Variants in RECQL observed in about 807,000 individuals in gnomAD.
The protein encoded by RECQL is ATP-dependent DNA helicase Q1.
In RECQL, 73 loss-of-function variants were observed where a neutral mutation model predicts 75.8. The ratio of observed to expected loss-of-function variants is 0.96; its 90% confidence interval spans 0.80 to 1.17. The LOEUF is 1.17. Ranked by LOEUF, RECQL falls within the 50% of genes most tolerant of loss-of-function variation. The pLI is 0.00. For missense variants in RECQL, 699 were observed against 772.1 expected, an observed-to-expected ratio of 0.91 and a Z score of 1.12; for synonymous variants, 248 against 254.4, an observed-to-expected ratio of 0.97 and a Z score of 0.24.
At position 21,473,177 on chromosome 12, in the gene RECQL, C is replaced by A. The variant is rs553369123; in HGVS notation, c.1447+374G>T. Among the ~76,000 whole-genome samples the A allele has an allele frequency of 5.9e-5, 9 of 152,130 alleles. No homozygotes were observed. The East Asian group carries it at 1.7e-3, about 29-fold the overall frequency. On this transcript the variant is annotated intron_variant, in intron 12 of 14. Coordinates refer to ENST00000444129, the MANE Select transcript of RECQL (RefSeq NM_002907.4). The stretch of plus-strand genomic sequence containing the variant: ...CATAATATTTTGGTCGGTGATGGAC[C>A]ACGTATATGCCAGTGGTCCCAAGAG...
intron 11 of RECQL, 135 bp from the exon 12 acceptor site, chr12:21,473,777 T>C: frequency 1.5e-6 from 1 of 662,992 alleles, no homozygotes; most frequent in Non-Finnish European, 2.5e-6. Flanking sequence ...TTAGTGGCTT[T>C]AAACACATTT....
chr12:21,471,514 C>T lies in RECQL; in HGVS notation c.1581G>A (p.Leu527=), dbSNP rs774747023. ...DSWMGKGAAK[L]RVAGVVAPTL... ...TGGGAGCCACAACACCTGCTACTCTCAGTTTTGCTGCACCCTTTCCCATCC... is the reference window on the plus strand; with the variant it reads ...TGGGAGCCACAACACCTGCTACTCTTAGTTTTGCTGCACCCTTTCCCATCC... The change falls in exon 13 of 15, where the codon CTG becomes CTA. Residue 527 remains leucine (L), a synonymous_variant. Transcript: ENST00000444129. 3 of 1,612,854 alleles carry T rather than the reference C, an allele frequency of 1.9e-6. No homozygotes were observed. The highest frequency in any genetic ancestry group is 2.5e-6 in the Non-Finnish European group (3 of 1,179,358).
At chr12:21,493,900 T>G (rs762406534) in intron 2 of RECQL, among the ~76,000 whole-genome samples, 1 of 152,242 alleles carries the variant, frequency 6.6e-6, no homozygotes, top group Non-Finnish European at 1.5e-5. Flanking sequence ...CCAAAAGAGC[T>G]GCATGTGCCA....
rs749841294 is a variant in RECQL, at chr12:21,471,461, ATCT to A, written c.1631_1633del (p.Lys544del). On this transcript the variant is annotated inframe_deletion, in exon 13 of 15. Transcript: ENST00000444129. ...CTGCTGTATTAGAAAGTGTGCAATA[ATCT>A]TCTCCAGATCTTCACGAGGAAGTGT... The A allele has an allele frequency of 5.6e-6, 9 of 1,613,060 alleles. No individual in the cohort carries two copies. Among genetic ancestry groups the A allele is most frequent in the South Asian group, 5.5e-5 (5 of 91,050 alleles).
chr12:21,481,546 T>C (rs917406702), intron 6 of RECQL, among the ~76,000 whole-genome samples: 1 of 152,138 alleles, frequency 6.6e-6, no homozygotes, highest in Non-Finnish European at 1.5e-5. Context: ...AACAACTATG[T>C]GGCGCTATCT....
intron 5 of RECQL, among the ~76,000 whole-genome samples, chr12:21,483,995 A>G (rs1401080092): frequency 1.3e-5 from 2 of 152,170 alleles, no homozygotes; most frequent in Non-Finnish European, 2.9e-5. Flanking sequence ...TGTGAACAAA[A>G]TTTATTATTT....
At chr12:21,498,531 C>T (rs532426291) in intron 2 of RECQL, among the ~76,000 whole-genome samples, 2 of 152,284 alleles carry the variant, frequency 1.3e-5, no homozygotes, top group South Asian at 2.1e-4. Context: ...CACTTGGCCA[C>T]TTTGGGTTCC....
At chr12:21,498,670 G>A (rs1318829602) in intron 2 of RECQL, among the ~76,000 whole-genome samples, 2 of 152,122 alleles carry the variant, frequency 1.3e-5, no homozygotes, top group Non-Finnish European at 2.9e-5. Flanking sequence ...CTGGAAAGCA[G>A]AAGATCCTCT....
At chr12:21,485,295 C>A (rs1591983159) in intron 5 of RECQL, among the ~76,000 whole-genome samples, 3 of 121,526 alleles carry the variant, frequency 2.5e-5, no homozygotes, top group Admixed American at 8.7e-5. Context: ...ACCTATGTAA[C>A]AAACCTGCAC....
chr12:21,473,759 C>T (rs60240969), intron 11 of RECQL, 117 bp from the exon 12 acceptor site: 1 of 767,068 alleles, frequency 1.3e-6, no homozygotes. Flanking sequence ...CATAATATTA[C>T]CATAAACTTA....
intron 5 of RECQL, among the ~76,000 whole-genome samples, chr12:21,485,672 G>T (rs557385789): frequency 6.6e-6 from 1 of 151,606 alleles, no homozygotes; most frequent in Non-Finnish European, 1.5e-5. Context: ...ACGTACTGAA[G>T]AATTTACAAT....
rs1942856689 is a variant in RECQL, at chr12:21,468,924, G to A, written c.*1270C>T. The A allele has an allele frequency of 1.6e-6, 1 of 634,570 alleles. No homozygotes were observed. The highest frequency in any genetic ancestry group is 3.1e-5 in the East Asian group (1 of 31,782). The allele number at this position is 634,570 out of a possible 1,614,324, so 39.3% of individuals were successfully genotyped here. A position where few individuals can be genotyped will look rare whatever the true frequency, so the allele number is the denominator to read the frequency against. ...AACATAAATTCTAAGTTTGAAATCA[G>A]TTCAAAGTTTATTTATAGATATATC... On this transcript the variant is annotated 3_prime_UTR_variant, in exon 15 of 15. Coordinates refer to ENST00000444129, the MANE Select transcript of RECQL (RefSeq NM_002907.4).
chr12:21,493,619 A>C (rs550983118), intron 2 of RECQL, among the ~76,000 whole-genome samples: 1 of 152,334 alleles, frequency 6.6e-6, no homozygotes, highest in African/African-American at 2.4e-5. Context: ...CTGACTGGGA[A>C]GGAGACTGAA....
At chr12:21,473,475 T>G (rs1167612055) in intron 12 of RECQL, 76 bp downstream of exon 12, 1 of 1,110,460 alleles carries the variant, frequency 9.0e-7, no homozygotes, top group Non-Finnish European at 1.4e-6. Context: ...TAGTGATGCA[T>G]TTCTCAGAAC....
Position 21,477,005 on chromosome 12 carries a change from T to A in RECQL, c.868-13A>T. ...GCTTCTGCCGAACCTAAAAAAAACT[T>A]AACTTATTAAAAAGTAAATGAATGA... is the stretch of plus-strand genomic sequence containing the variant. On this transcript the variant is annotated splice_polypyrimidine_tract_variant and intron_variant, in intron 7 of 14. Transcript: ENST00000444129. 3 of 1,592,064 alleles carry A rather than the reference T, an allele frequency of 1.9e-6. No homozygotes were observed. The highest frequency in any genetic ancestry group is 2.6e-6 in the Non-Finnish European group (3 of 1,167,614).
At chr12:21,481,173 G>A (rs1214312516) in intron 6 of RECQL, among the ~76,000 whole-genome samples, 1 of 152,194 alleles carries the variant, frequency 6.6e-6, no homozygotes, top group African/African-American at 2.4e-5. Flanking sequence ...CTTGGGAGTA[G>A]AGAGGAGAAC....
chr12:21,469,222 TTTTTGTTGAA>T lies in RECQL; in HGVS notation c.*962_*971del, dbSNP rs1942864958. The T allele has an allele frequency of 1.9e-5, 3 of 157,592 alleles. No homozygotes were observed. The highest frequency in any genetic ancestry group is 4.2e-5 in the Non-Finnish European group (3 of 71,648). 9.8% of individuals were successfully genotyped at this position (157,592 alleles called of 1,614,324 possible). A position where few individuals can be genotyped will look rare whatever the true frequency, so the allele number is the denominator to read the frequency against. On this transcript the variant is annotated 3_prime_UTR_variant, in exon 15 of 15. Coordinates refer to ENST00000444129, the MANE Select transcript of RECQL (RefSeq NM_002907.4). ...ATATTTATATTGATGACTTACTCCTTTTTTGTTGAATTGTACTTCTGGTTTTATAACCTGA... is the reference window on the plus strand; with the variant it reads ...ATATTTATATTGATGACTTACTCCTTTTGTACTTCTGGTTTTATAACCTGA...
rs1215107478 is a variant in RECQL, at chr12:21,501,593, C to T, written c.-469G>A. 2.8e-6 allele frequency: 1 copy of T among 353,504 alleles called. No homozygotes were observed. The highest frequency in any genetic ancestry group is 2.1e-5 in the African/African-American group (1 of 47,160). The allele number at this position is 353,504 out of a possible 1,614,324, so 21.9% of individuals were successfully genotyped here. A position where few individuals can be genotyped will look rare whatever the true frequency, so the allele number is the denominator to read the frequency against. ...AGGCCTCGAGCAGATCTTTCCGCTA[C>T]TCGGGAGTAAAATCTTCCCGCCAGC... On this transcript the variant is annotated 5_prime_UTR_variant, in exon 1 of 15. Coordinates refer to ENST00000444129, the MANE Select transcript of RECQL (RefSeq NM_002907.4).
chr12:21,491,494 C>CAA lies in RECQL; in HGVS notation c.214+23_214+24dup, dbSNP rs140439673. On this transcript the variant is annotated intron_variant, in intron 3 of 14. Coordinates refer to ENST00000444129, the MANE Select transcript of RECQL (RefSeq NM_002907.4). ...AAAATATGAGAAGAAATAAAACTAG[C>CAA]AAAAAAAAAAAAAAAAAAGTTAACC... is the stretch of plus-strand genomic sequence containing the variant. The CAA allele has an allele frequency of 8.1e-3, 10,574 of 1,301,296 alleles. No individual in the cohort carries two copies. Among genetic ancestry groups the CAA allele is most frequent in the Non-Finnish European group, 8.6e-3 (8,615 of 1,000,632 alleles). 80.6% of individuals were successfully genotyped at this position (1,301,296 alleles called of 1,614,324 possible).
Sources: allele counts gnomAD v4.1 joint callset (sites outside exome capture counted in the v4.1 genomes callset), GRCh38; gene constraint gnomAD v4.1.1; transcripts MANE v1.5; gene names NCBI Gene and HGNC (gene_info 2026-07-23, HGNC 2026-07-21).